The following COL11A1 variants were observed in gnomAD, a reference collection of about 807,000 sequenced individuals.
COL11A1 encodes the protein collagen alpha-1(XI) chain.
A neutral mutation model predicts 265.2 loss-of-function variants in COL11A1; 74 were observed. That is an observed-to-expected ratio of 0.28 (90% CI 0.23 to 0.34). The LOEUF (loss-of-function observed/expected upper bound fraction) is 0.34, where lower values mean the gene tolerates loss of function less well. Among genes scored for constraint, COL11A1 ranks in the 10% least tolerant of loss-of-function variants. The pLI, the probability that COL11A1 is intolerant of heterozygous loss-of-function variation, is 1.00. For synonymous variants in COL11A1, 816 were observed against 727.6 expected (o/e 1.12, Z -1.96); for missense variants, 2,165 against 2,263.6 (o/e 0.96, Z 0.88).
intron 37 of COL11A1, among the ~76,000 whole-genome samples, chr1:102,968,281 C>T (rs1490686066): frequency 6.6e-6 from 1 of 152,052 alleles, no homozygotes; most frequent in Non-Finnish European, 1.5e-5. Context: ...TGTTACAATC[C>T]AACAGAAATG....
In COL11A1 at chr1:102,923,331, C is replaced by CT. The variant is rs768556720; in HGVS notation, c.3654+4dup. Reference sequence around the variant, plus strand: ...ACCCATCAAACACCAAAAATAAAAACTTACCATGGGACCAACATCCCCATT... The same window carrying CT: ...ACCCATCAAACACCAAAAATAAAAACTTTACCATGGGACCAACATCCCCATT... On this transcript the variant is annotated splice_donor_region_variant and intron_variant, in intron 47 of 66. Transcript: ENST00000370096. 3.1e-6 allele frequency: 5 copies of CT among 1,605,912 alleles called. No homozygotes were observed. The African/African-American group carries it at 6.7e-5, about 22-fold the overall frequency.
chr1:103,010,618 A>C (rs1428557662), intron 14 of COL11A1, among the ~76,000 whole-genome samples: 2 of 152,134 alleles, frequency 1.3e-5, no homozygotes, highest in African/African-American at 4.8e-5. Context: ...GCCTCTATGA[A>C]TCCATTTCCT....
chr1:102,925,239 G>A (rs1656464578), intron 46 of COL11A1, among the ~76,000 whole-genome samples: 1 of 151,956 alleles, frequency 6.6e-6, no homozygotes, highest in Non-Finnish European at 1.5e-5. Context: ...TGAAACATGA[G>A]TTTCAAAAAA....
intron 42 of COL11A1, among the ~76,000 whole-genome samples, chr1:102,946,236 G>T (rs1328577969): frequency 2.0e-5 from 3 of 147,434 alleles, no homozygotes; most frequent in Non-Finnish European, 3.0e-5. Context: ...TAAATGACGA[G>T]TTAATGGGTG....
intron 46 of COL11A1, among the ~76,000 whole-genome samples, chr1:102,931,065 T>C (rs1657368990): frequency 1.4e-5 from 2 of 146,142 alleles, no homozygotes; most frequent in Admixed American, 7.0e-5. Flanking sequence ...ATTAATTTTT[T>C]GAAGGGTTTT....
At chr1:103,031,341 A>T (rs911046262) in intron 4 of COL11A1, 97 bp from the exon 5 acceptor site, 31 of 1,430,224 alleles carry the variant, frequency 2.2e-5, no homozygotes, top group Non-Finnish European at 2.9e-5. Flanking sequence ...ATTTTTAAAT[A>T]TTTGAAGAAG....
intron 42 of COL11A1, among the ~76,000 whole-genome samples, chr1:102,944,991 A>G (rs1308488420): frequency 6.6e-6 from 1 of 152,176 alleles, no homozygotes; most frequent in Non-Finnish European, 1.5e-5. Flanking sequence ...AGTTCTATCC[A>G]CAGGTGGCAT....
In COL11A1 at chr1:102,940,310, G is replaced by A. The variant is rs1207469084; in HGVS notation, c.3384+17C>T. 8 of 1,594,516 alleles carry A rather than the reference G, an allele frequency of 5.0e-6. No homozygotes were observed. Among genetic ancestry groups the A allele is most frequent in the Middle Eastern group, 1.7e-4 (1 of 6,036 alleles). ...GCTTTTTCACAGGATCTACTAACACGAATAATGAATACCAACCTTGTCTCC... is the reference window on the plus strand; with the variant it reads ...GCTTTTTCACAGGATCTACTAACACAAATAATGAATACCAACCTTGTCTCC... On this transcript the variant is annotated intron_variant, in intron 43 of 66. Coordinates refer to ENST00000370096, the MANE Select transcript of COL11A1 (RefSeq NM_001854.4).
chr1:102,924,872 G>A (rs995058443), intron 46 of COL11A1, among the ~76,000 whole-genome samples: 2 of 152,020 alleles, frequency 1.3e-5, no homozygotes, highest in African/African-American at 4.8e-5. Flanking sequence ...TGTAAAATAT[G>A]TAGGTAGAAT....
In COL11A1 at chr1:102,940,423, AC is replaced by A. The variant is rs1218711810; in HGVS notation, c.3287del (p.Gly1096ValfsTer102). On this transcript the variant is annotated frameshift_variant, in exon 43 of 67. Coordinates refer to ENST00000370096, the MANE Select transcript of COL11A1 (RefSeq NM_001854.4). LOFTEE classifies it high-confidence loss of function. ...AGEKGAPGEK[G>X]PQGPAGRDGV... ...CATCTCTCCCTGCAGGCCCTTGGGG[AC>A]CTTTTTCTCCCTGTATTGAATATCC... 6.2e-7 allele frequency: 1 copy of A among 1,613,414 alleles called. No homozygotes were observed.
intron 46 of COL11A1, among the ~76,000 whole-genome samples, chr1:102,929,684 G>A (rs1468052791): frequency 6.6e-6 from 1 of 151,962 alleles, no homozygotes; most frequent in Non-Finnish European, 1.5e-5. Context: ...ACCTTGGGCA[G>A]TATGGCCATT....
chr1:103,006,389 G>A, intron 15 of COL11A1, 74 bp from the exon 16 acceptor site: 1 of 1,163,132 alleles, frequency 8.6e-7, no homozygotes, highest in South Asian at 1.5e-5. Flanking sequence ...CAAGAGAGAT[G>A]GTTTCAGAAA....
At chr1:102,995,841 C>T (rs750717448) in intron 28 of COL11A1, 23 bp downstream of exon 28, 2 of 1,570,780 alleles carry the variant, frequency 1.3e-6, no homozygotes, top group Admixed American at 1.7e-5. Context: ...GAAATTAATA[C>T]CATCTAAACA....
rs34440236 is a variant in COL11A1 at position 102,987,371 on chromosome 1, C to CTT, written c.2502+260_2502+261dup. Among the ~76,000 whole-genome samples the CTT allele has an allele frequency of 8.9e-4, 130 of 145,556 alleles. No homozygotes were observed. In the Middle Eastern group the frequency reaches 0.011, roughly 12 times the overall value. Reference sequence around the variant, plus strand: ...TAACACTTGTCATAGACATTTCTTGCTTTTTTTTTTTTAAATTTAACTTCA... The same window carrying CTT: ...TAACACTTGTCATAGACATTTCTTGCTTTTTTTTTTTTTTAAATTTAACTTCA... On this transcript the variant is annotated intron_variant, in intron 30 of 66. Coordinates refer to ENST00000370096, the MANE Select transcript of COL11A1 (RefSeq NM_001854.4).
chr1:102,937,107 C>A (rs1248147051), intron 44 of COL11A1, among the ~76,000 whole-genome samples: 1 of 151,998 alleles, frequency 6.6e-6, no homozygotes, highest in Non-Finnish European at 1.5e-5. Context: ...GTGCTTTGGG[C>A]TTATTATTCT....
intron 51 of COL11A1, 42 bp downstream of exon 51, chr1:102,914,662 T>G: frequency 6.9e-7 from 1 of 1,450,972 alleles, no homozygotes; most frequent in Middle Eastern, 1.9e-4. Flanking sequence ...CCAAGGTGAG[T>G]TTGGCATAAA....
At chr1:103,050,763 G>A (rs933585461) in intron 4 of COL11A1, among the ~76,000 whole-genome samples, 10 of 152,176 alleles carry the variant, frequency 6.6e-5, no homozygotes, top group South Asian at 2.1e-4. Context: ...TGATGGTGAC[G>A]TACAGATGGG....
intron 54 of COL11A1, among the ~76,000 whole-genome samples, chr1:102,911,637 T>C (rs1229145059): frequency 1.3e-5 from 2 of 152,160 alleles, no homozygotes; most frequent in East Asian, 3.8e-4. Flanking sequence ...TGGCCAATAT[T>C]GTCAGCAATA....
intron 1 of COL11A1, among the ~76,000 whole-genome samples, chr1:103,102,531 A>G (rs1173742206): frequency 1.3e-5 from 2 of 152,072 alleles, no homozygotes; most frequent in Non-Finnish European, 1.5e-5. Context: ...TGAAGGAGTA[A>G]AAGCAGAAAT....
Sources: gnomAD v4.1 joint callset for allele counts (sites outside exome capture counted in the v4.1 genomes callset) on GRCh38, gnomAD v4.1.1 for gene constraint, MANE v1.5 for transcripts, NCBI Gene and HGNC (gene_info 2026-07-23, HGNC 2026-07-21) for gene names.